The following ZNF676 variants were observed in gnomAD, a reference collection of about 807,000 sequenced individuals.
The protein encoded by ZNF676 is zinc finger protein 676.
In ZNF676, 4 loss-of-function variants were observed where a neutral mutation model predicts 6.0. The ratio of observed to expected loss-of-function variants is 0.67; its 90% CI spans 0.33 to 1.53. The LOEUF is 1.53. ZNF676 is among the 40% of genes most tolerant of loss of function. The pLI is 0.06. For missense variants in ZNF676, 644 were observed against 679.7 expected (o/e 0.95, Z 0.58); for synonymous variants, 198 against 223.1 (o/e 0.89, Z 1.00).
chr19:22,206,543 C>G lies in ZNF676; in HGVS notation c.3+9089G>C, dbSNP rs561755106. ...GGAAAAAATTAGCTGGGCATGGTAG[C>G]ACACACCTGTAATCCCAGCTACTTG... is the stretch of plus-strand genomic sequence containing the variant. On this transcript the variant is annotated intron_variant, in intron 1 of 3. Transcript: ENST00000650058. 7.9e-5 allele frequency among the ~76,000 whole-genome samples: 12 copies of G among 152,120 alleles called. No homozygotes were observed. In the East Asian group the frequency reaches 2.3e-3, roughly 29 times the overall value.
chr19:22,190,271 C>G (rs2144749332), intron 2 of ZNF676, among the ~76,000 whole-genome samples: 1 of 152,134 alleles, frequency 6.6e-6, no homozygotes, highest in Non-Finnish European at 1.5e-5. Context: ...AACACAAGAA[C>G]AGAAAACAAA....
Position 22,180,222 on chromosome 19 carries a change from G to A in ZNF676, c.1495C>T (p.His499Tyr). The stretch of plus-strand genomic sequence containing the variant: ...CATTTGTAGCGTTTCTCTCCAGTAT[G>A]AATTATCTTATGTTTAGTAAGGATT... ...FSILTKHKII[H>Y]TGEKRYKCEE... is the part of the protein sequence containing the mutation. Residue 499 changes from histidine to tyrosine, a missense_variant, in exon 3 of 3, where the codon CAT (histidine) becomes TAT (tyrosine). Physicochemically the swap from His to Tyr is moderately conservative, Grantham distance 83 (BLOSUM62 2). Coordinates refer to ENST00000397121, the MANE Select transcript of ZNF676 (RefSeq NM_001001411.3). 1.2e-6 allele frequency: 2 copies of A among 1,613,772 alleles called. No individual in the cohort carries two copies. Among genetic ancestry groups the A allele is most frequent in the South Asian group, 1.1e-5 (1 of 91,070 alleles).
chr19:22,194,787 C>T (rs2023949958), intron 1 of ZNF676, among the ~76,000 whole-genome samples: 1 of 152,106 alleles, frequency 6.6e-6, no homozygotes, highest in African/African-American at 2.4e-5. Flanking sequence ...ATTCCCAGTT[C>T]AGGCCACAAC....
At chr19:22,193,613 G>A (rs2023937031) in intron 1 of ZNF676, among the ~76,000 whole-genome samples, 1 of 152,106 alleles carries the variant, frequency 6.6e-6, no homozygotes, top group Admixed American at 6.6e-5. Context: ...AGAAAGGGAA[G>A]AATTGTCCAT....
At chr19:22,195,064 A>G (rs927798063) in intron 1 of ZNF676, among the ~76,000 whole-genome samples, 3 of 152,170 alleles carry the variant, frequency 2.0e-5, no homozygotes, top group African/African-American at 7.2e-5. Flanking sequence ...AAGTAGTTTT[A>G]ATGTCACAAG....
chr19:22,189,023 C>A (rs1208821017), intron 2 of ZNF676, among the ~76,000 whole-genome samples: 1 of 150,002 alleles, frequency 6.7e-6, no homozygotes, highest in Non-Finnish European at 1.5e-5. Flanking sequence ...CATATGGAAC[C>A]AAAAAAAAAA....
At position 22,180,115 on chromosome 19, in the gene ZNF676, T is replaced by A. The variant is rs754198989; in HGVS notation, c.1602A>T (p.Lys534Asn). The change falls in exon 3 of 3, where the codon AAA (lysine) becomes AAT (asparagine). Residue 534 changes from lysine to asparagine, a missense_variant. Coordinates refer to ENST00000397121, the MANE Select transcript of ZNF676 (RefSeq NM_001001411.3). ...TGAAGGCTTTGCCACATTCTTCACATTTGTAGGGTTTCTCTCCAGTATGAA... is the reference window on the plus strand; with the variant it reads ...TGAAGGCTTTGCCACATTCTTCACAATTGTAGGGTTTCTCTCCAGTATGAA... ...KIIHTGEKPYKCEECGKAFSR... is the reference protein window; with the variant it reads ...KIIHTGEKPYNCEECGKAFSR... 15 of 1,612,266 alleles carry A rather than the reference T, an allele frequency of 9.3e-6. No individual in the cohort carries two copies. In the South Asian group the frequency reaches 1.6e-4, roughly 18 times the overall value.
At chr19:22,235,024 G>GA in the ZNF676 span, among the ~76,000 whole-genome samples, 2,407 of 60,008 alleles carry the variant, frequency 0.04, 116 homozygotes, top group Middle Eastern at 0.088. Flanking sequence ...AAGAAAGAAA[G>GA]AAAGAAAGAA....
the ZNF676 span, among the ~76,000 whole-genome samples, chr19:22,237,732 G>C: frequency 6.9e-3 from 1,047 of 152,228 alleles, 10 homozygotes; most frequent in Middle Eastern, 0.038. Flanking sequence ...CTGGGGATGG[G>C]GAAGCTGTTT....
upstream of ZNF676, among the ~76,000 whole-genome samples, chr19:22,199,391 AAGC>A (rs921692706): frequency 3.3e-5 from 5 of 152,206 alleles, no homozygotes; most frequent in African/African-American, 4.8e-5. Flanking sequence ...AGAAAACAGA[AAGC>A]AGCAATTTCT....
In ZNF676 at chr19:22,179,850, G is replaced by C; in HGVS notation, c.*100C>G. ...AGATTGAGGACTGTTTAAAAGCTTT[G>C]CCACATTCTTCACCTTTGTAGATTT... On this transcript the variant is annotated 3_prime_UTR_variant, in exon 3 of 3. Coordinates refer to ENST00000397121, the MANE Select transcript of ZNF676 (RefSeq NM_001001411.3). The C allele has an allele frequency of 7.5e-7, 1 of 1,337,498 alleles. No homozygotes were observed. Among genetic ancestry groups the C allele is most frequent in the Non-Finnish European group, 1.1e-6 (1 of 942,862 alleles). The allele number at this position is 1,337,498 out of a possible 1,614,324, so 82.9% of individuals were successfully genotyped here.
At chr19:22,216,281 G>A (rs1305584946), upstream of ZNF676, among the ~76,000 whole-genome samples, 4 of 151,894 alleles carry the variant, frequency 2.6e-5, no homozygotes, top group African/African-American at 7.3e-5. Flanking sequence ...CTAAAAATAC[G>A]AACATTAGTC....
At chr19:22,226,953 G>T in the ZNF676 span, among the ~76,000 whole-genome samples, 3 of 151,942 alleles carry the variant, frequency 2.0e-5, no homozygotes, top group Admixed American at 2.0e-4. Flanking sequence ...TTTACCTTAG[G>T]TTCAAATAAT....
intron 1 of ZNF676, among the ~76,000 whole-genome samples, chr19:22,193,484 G>A (rs1444334767): frequency 3.3e-5 from 5 of 151,972 alleles, no homozygotes; most frequent in South Asian, 2.1e-4. Context: ...TGGTTTGCAC[G>A]GTCCTACTGC....
chr19:22,181,313 T>G lies in ZNF676; in HGVS notation c.404A>C (p.His135Pro). Residue 135 changes from histidine to proline, a missense_variant, in exon 3 of 3, where the codon CAT (histidine) becomes CCT (proline). Physicochemically the swap from His to Pro is moderately conservative, Grantham distance 77. Around this residue, in one of 5 missense-constraint regions of ZNF676, gnomAD observed 280 missense variants for 269.3 expected, o/e 1.04. Transcript: ENST00000397121. Reference sequence around the variant, plus strand: ...ACATTTCAAACCTTTCTCTCCAGTATGCCTTATCTTATGTCTGTTTGAATT... The same window carrying G: ...ACATTTCAAACCTTTCTCTCCAGTAGGCCTTATCTTATGTCTGTTTGAATT... ...CSNSNRHKIR[H>P]TGEKGLKCKE... 6.2e-7 allele frequency: 1 copy of G among 1,613,820 alleles called. No individual in the cohort carries two copies. Among genetic ancestry groups the G allele is most frequent in the East Asian group, 2.2e-5 (1 of 44,840 alleles).
Position 22,196,642 on chromosome 19 carries a change from T to C in ZNF676, c.-9A>G, listed in dbSNP as rs2144773644. The C allele has an allele frequency of 6.2e-7, 1 of 1,613,744 alleles. No homozygotes were observed. The highest frequency in any genetic ancestry group is 2.2e-5 in the East Asian group (1 of 44,860). ...CTGTAGTTCTCTAACATCACATTCC[T>C]ATATAAATTCTGCTGTGTAGAATCC... is the stretch of plus-strand genomic sequence containing the variant. On this transcript the variant is annotated 5_prime_UTR_variant, in exon 1 of 3. In the 5' UTR this introduces an upstream ATG that the reference lacks. Transcript: ENST00000397121.
chr19:22,246,121 A>C, the ZNF676 span, among the ~76,000 whole-genome samples: 1 of 152,178 alleles, frequency 6.6e-6, no homozygotes, highest in Non-Finnish European at 1.5e-5. Context: ...CACTTTTGGC[A>C]GGGCCAGGAT....
chr19:22,190,659 A>ATGTTGCATTCTATTTTAT (rs1164785433), intron 2 of ZNF676, among the ~76,000 whole-genome samples: 4 of 123,892 alleles, frequency 3.2e-5, no homozygotes, highest in Non-Finnish European at 6.1e-5. Flanking sequence ...ATATATATAT[A>ATGTTGCATTCTATTTTAT]TATATACATA....
At chr19:22,208,602 C>G (rs1454585569) in intron 1 of ZNF676, among the ~76,000 whole-genome samples, 2 of 152,142 alleles carry the variant, frequency 1.3e-5, no homozygotes, top group African/African-American at 2.4e-5. Context: ...TTCACAATAG[C>G]AAAGACATGG....
Sources: allele counts gnomAD v4.1 joint callset (sites outside exome capture counted in the v4.1 genomes callset), GRCh38; gene constraint gnomAD v4.1.1; regional missense constraint gnomAD v4.1.1; transcripts MANE v1.5; gene names NCBI Gene and HGNC (gene_info 2026-07-23, HGNC 2026-07-21).